COL15A1: variants seen among roughly 807,000 people sequenced by gnomAD.
COL15A1 encodes the protein collagen type XV alpha 1 chain, also known as collagen alpha-1(XV) chain.
A neutral mutation model predicts 165.9 loss-of-function variants in COL15A1; 111 were observed. That is an observed-to-expected ratio of 0.67 (90% CI 0.57 to 0.78). The LOEUF is 0.78. COL15A1 is among the 30% of genes least tolerant of loss of function. The pLI, the probability that COL15A1 is intolerant of heterozygous loss-of-function variation, is 0.00. For missense variants in COL15A1, 1,745 were observed against 1,789.7 expected (o/e 0.98, Z 0.45); for synonymous variants, 659 against 674.8 (o/e 0.98, Z 0.36).
chr9:99,043,441 G>A (rs543466566), intron 24 of COL15A1, among the ~76,000 whole-genome samples: 2 of 152,190 alleles, frequency 1.3e-5, no homozygotes, highest in South Asian at 4.2e-4. Context: ...CTAGAGGGAC[G>A]GACATGACAT....
intron 5 of COL15A1, among the ~76,000 whole-genome samples, chr9:98,991,967 C>T (rs2118909779): frequency 6.6e-6 from 1 of 152,312 alleles, no homozygotes; most frequent in East Asian, 1.9e-4. Flanking sequence ...GAGCTAGACA[C>T]AGGGTGCTGA....
chr9:99,020,704 A>T (rs568031722), intron 12 of COL15A1, among the ~76,000 whole-genome samples: 1 of 152,196 alleles, frequency 6.6e-6, no homozygotes, highest in Admixed American at 6.5e-5. Flanking sequence ...GTCGAGTATC[A>T]AAGGGTCCTA....
chr9:99,055,486 C>T, intron 34 of COL15A1, 114 bp downstream of exon 34: 1 of 674,284 alleles, frequency 1.5e-6, no homozygotes, highest in Non-Finnish European at 2.6e-6. Flanking sequence ...GGAGGCAGAG[C>T]TTGGGGATTA....
At chr9:99,039,801 T>C (rs1037222804) in intron 22 of COL15A1, among the ~76,000 whole-genome samples, 5 of 152,200 alleles carry the variant, frequency 3.3e-5, no homozygotes, top group Non-Finnish European at 7.3e-5. Context: ...GTGAGGGATG[T>C]GAAACTGCTT....
chr9:98,948,721 C>T (rs1355679105), intron 2 of COL15A1, among the ~76,000 whole-genome samples: 1 of 152,094 alleles, frequency 6.6e-6, no homozygotes, highest in Middle Eastern at 3.4e-3. Context: ...GGTAAAGTTT[C>T]AGGGTCATTG....
At chr9:99,025,673 C>T in intron 15 of COL15A1, among the ~76,000 whole-genome samples, 1 of 152,164 alleles carries the variant, frequency 6.6e-6, no homozygotes, top group East Asian at 1.9e-4. Context: ...TCTCTAACTT[C>T]CCCATAGAGG....
At chr9:99,043,787 A>G (rs1839450950) in intron 24 of COL15A1, among the ~76,000 whole-genome samples, 1 of 152,202 alleles carries the variant, frequency 6.6e-6, no homozygotes, top group African/African-American at 2.4e-5. Flanking sequence ...CCAAAGCCTC[A>G]GAGTCAGATA....
At chr9:98,975,887 A>G (rs1838134976) in intron 2 of COL15A1, among the ~76,000 whole-genome samples, 1 of 151,596 alleles carries the variant, frequency 6.6e-6, no homozygotes, top group African/African-American at 2.4e-5. Flanking sequence ...GCTGAGCCTG[A>G]CTGGAAAGAT....
Position 99,035,091 on chromosome 9 carries a change from C to G in COL15A1, c.2157C>G (p.Pro719=). 1.2e-6 allele frequency: 2 copies of G among 1,609,932 alleles called. No individual in the cohort carries two copies. Among genetic ancestry groups the G allele is most frequent in the Non-Finnish European group, 1.7e-6 (2 of 1,176,574 alleles). The change falls in exon 18 of 42, where the codon CCC becomes CCG. Residue 719 remains proline, a synonymous_variant. Coordinates refer to ENST00000375001, the MANE Select transcript of COL15A1 (RefSeq NM_001855.5). ...CTGGCCCTCCTGGGGTCATGGGACC[C>G]CCAGGGCCTCCTGGACCCCCTGGGC... ...GQAGPPGVMG[P]PGPPGPPGPP... is the part of the protein sequence containing the mutation.
intron 5 of COL15A1, among the ~76,000 whole-genome samples, chr9:98,991,932 A>C (rs1838441775): frequency 6.6e-6 from 1 of 152,230 alleles, no homozygotes; most frequent in Middle Eastern, 3.4e-3. Flanking sequence ...GACACAGAGC[A>C]CTGATTGGTG....
chr9:99,015,933 T>C (rs1391192533), intron 10 of COL15A1, 43 bp from the exon 11 acceptor site: 2 of 1,601,410 alleles, frequency 1.2e-6, no homozygotes, highest in Non-Finnish European at 1.7e-6. Flanking sequence ...GGCAGCCTCA[T>C]GAGCGAGGTG....
intron 2 of COL15A1, among the ~76,000 whole-genome samples, chr9:98,963,366 C>T (rs1346926630): frequency 6.6e-6 from 1 of 152,160 alleles, no homozygotes; most frequent in Non-Finnish European, 1.5e-5. Context: ...TATTCCAGCT[C>T]CCCCAAATTG....
intron 6 of COL15A1, chr9:98,997,827 C>A (rs550049761): frequency 2.6e-5 from 4 of 152,374 alleles, no homozygotes; most frequent in African/African-American, 9.6e-5. Context: ...GCCCTGAGAT[C>A]GCTTGTGGTT....
chr9:99,025,040 G>A, intron 15 of COL15A1, 41 bp downstream of exon 15: 2 of 1,600,102 alleles, frequency 1.2e-6, no homozygotes, highest in East Asian at 2.2e-5. Context: ...GTGGCTGTGG[G>A]GCTTCCTTTA....
intron 11 of COL15A1, 96 bp from the exon 12 acceptor site, chr9:99,020,293 G>C: frequency 1.1e-6 from 1 of 888,140 alleles, no homozygotes; most frequent in South Asian, 1.4e-5. Flanking sequence ...CTCATGCCCA[G>C]CTCACTGACC....
At chr9:99,062,215 T>C (rs778096781) in intron 37 of COL15A1, 30 bp from the exon 38 acceptor site, 42 of 1,608,680 alleles carry the variant, frequency 2.6e-5, no homozygotes, top group Non-Finnish European at 3.4e-5. Context: ...GTAATTGATC[T>C]TTCATTTCAA....
chr9:98,974,463 C>A (rs942079412), intron 2 of COL15A1, among the ~76,000 whole-genome samples: 1 of 152,194 alleles, frequency 6.6e-6, no homozygotes, highest in Admixed American at 6.5e-5. Context: ...GATGCAAGAA[C>A]CCCACCCTCC....
At chr9:99,044,024 C>A (rs1839453888) in intron 24 of COL15A1, among the ~76,000 whole-genome samples, 1 of 152,160 alleles carries the variant, frequency 6.6e-6, no homozygotes, top group African/African-American at 2.4e-5. Context: ...GACATAAGGC[C>A]TCCATGTTGA....
intron 11 of COL15A1, among the ~76,000 whole-genome samples, chr9:99,019,078 C>A (rs1302748516): frequency 6.6e-6 from 1 of 152,144 alleles, no homozygotes; most frequent in Admixed American, 6.5e-5. Context: ...TAAGTCCCCA[C>A]GTTAGGGATC....
Sources: allele counts gnomAD v4.1 joint callset (sites outside exome capture counted in the v4.1 genomes callset), GRCh38; gene constraint gnomAD v4.1.1; transcripts MANE v1.5; gene names NCBI Gene and HGNC (gene_info 2026-07-23, HGNC 2026-07-21).